The following COBL variants were observed in gnomAD, a reference collection of about 807,000 sequenced individuals.
COBL encodes the protein protein cordon-bleu.
Under a neutral mutation model 98.8 loss-of-function variants are expected in COBL, and 51 were observed. The ratio of observed to expected loss-of-function variants is 0.52; its 90% confidence interval spans 0.41 to 0.65. The LOEUF is 0.65. Among genes scored for constraint, COBL ranks in the 30% least tolerant of loss-of-function variants. COBL has a pLI of 0.00. For missense variants in COBL, 1,617 were observed against 1,617.5 expected, an observed-to-expected ratio of 1.00 and a Z score of 0.01; for synonymous variants, 634 against 651.7, an observed-to-expected ratio of 0.97 and a Z score of 0.41.
intron 1 of COBL, among the ~76,000 whole-genome samples, chr7:51,275,085 G>A (rs1280630330): frequency 6.6e-6 from 1 of 152,170 alleles, no homozygotes; most frequent in Non-Finnish European, 1.5e-5. Context: ...AGACAGGGCT[G>A]AAGAGGACGG....
chr7:51,230,829 G>A (rs1044725709), intron 1 of COBL, among the ~76,000 whole-genome samples: 3 of 152,178 alleles, frequency 2.0e-5, no homozygotes, highest in Non-Finnish European at 4.4e-5. Context: ...GTTTCTGCAC[G>A]TGGGGCAGAT....
intron 1 of COBL, among the ~76,000 whole-genome samples, chr7:51,259,042 C>G (rs564538295): frequency 1.3e-5 from 2 of 152,108 alleles, no homozygotes; most frequent in Admixed American, 1.3e-4. Context: ...AATCCCAGCA[C>G]TTTGGGAGGC....
At chr7:51,162,424 T>C (rs1045102314) in intron 5 of COBL, among the ~76,000 whole-genome samples, 1 of 152,228 alleles carries the variant, frequency 6.6e-6, no homozygotes. Flanking sequence ...AGATATATCT[T>C]GGAACAGAGT....
intron 12 of COBL, among the ~76,000 whole-genome samples, chr7:51,020,681 C>T (rs893247781): frequency 6.6e-6 from 1 of 152,298 alleles, no homozygotes; most frequent in East Asian, 1.9e-4. Flanking sequence ...GATCTGAACA[C>T]TGCCTTCAGG....
chr7:51,307,019 C>T (rs920914902), intron 1 of COBL, among the ~76,000 whole-genome samples: 8 of 152,232 alleles, frequency 5.3e-5, no homozygotes, highest in South Asian at 2.1e-4. Flanking sequence ...TGACGAGAGA[C>T]GTCAGAGTCA....
intron 5 of COBL, among the ~76,000 whole-genome samples, chr7:51,176,234 T>C (rs1788373674): frequency 1.3e-5 from 2 of 152,192 alleles, no homozygotes; most frequent in South Asian, 4.1e-4. Context: ...GTGAGTCACT[T>C]GGAAAGGTAC....
intron 7 of COBL, chr7:51,073,484 C>T (rs546174206): frequency 1.9e-6 from 1 of 536,900 alleles, no homozygotes; most frequent in East Asian, 3.0e-5. Context: ...AGATTTAACA[C>T]TGCATAGCAA....
At chr7:51,215,225 A>G (rs1221562203) in intron 2 of COBL, among the ~76,000 whole-genome samples, 1 of 152,194 alleles carries the variant, frequency 6.6e-6, no homozygotes, top group Non-Finnish European at 1.5e-5. Flanking sequence ...GAATGTGTCC[A>G]CCTTTTGTGA....
At chr7:51,315,736 C>T (rs375642534) in intron 1 of COBL, among the ~76,000 whole-genome samples, 1 of 152,342 alleles carries the variant, frequency 6.6e-6, no homozygotes, top group South Asian at 2.1e-4. Context: ...GCGCACCTGG[C>T]TCGGGGTCTG....
intron 5 of COBL, among the ~76,000 whole-genome samples, chr7:51,182,704 G>A (rs1007937311): frequency 3.3e-5 from 5 of 152,104 alleles, no homozygotes; most frequent in African/African-American, 4.8e-5. Flanking sequence ...GGAGGGGATA[G>A]AAAATGTCAG....
intron 5 of COBL, among the ~76,000 whole-genome samples, chr7:51,145,333 G>C (rs1445361274): frequency 6.7e-6 from 1 of 149,816 alleles, no homozygotes; most frequent in Non-Finnish European, 1.5e-5. Context: ...AATTCTTTTG[G>C]GTATATTCCT....
chr7:51,193,626 G>T, intron 2 of COBL, 37 bp from the exon 3 acceptor site: 2 of 1,574,710 alleles, frequency 1.3e-6, no homozygotes, highest in South Asian at 1.1e-5. Context: ...TATTAGGAAT[G>T]ACTGCACTCT....
chr7:51,177,819 A>AAAT (rs1563000106), intron 5 of COBL, among the ~76,000 whole-genome samples: 5 of 144,546 alleles, frequency 3.5e-5, no homozygotes, highest in Non-Finnish European at 6.1e-5. Flanking sequence ...AATAAATAAA[A>AAAT]ATTTAAAAGG....
chr7:51,121,488 T>C (rs1163987179), intron 6 of COBL, among the ~76,000 whole-genome samples: 2 of 152,242 alleles, frequency 1.3e-5, no homozygotes, highest in East Asian at 3.8e-4. Context: ...GACTGTGTCC[T>C]TTGGTGCACA....
At chr7:51,298,767 A>G (rs1263988597) in intron 1 of COBL, among the ~76,000 whole-genome samples, 1 of 152,228 alleles carries the variant, frequency 6.6e-6, no homozygotes, top group Non-Finnish European at 1.5e-5. Context: ...ATCCTACCTC[A>G]GGAGTTAATA....
intron 5 of COBL, among the ~76,000 whole-genome samples, chr7:51,174,185 G>C (rs1185877202): frequency 6.6e-6 from 1 of 152,132 alleles, no homozygotes; most frequent in Non-Finnish European, 1.5e-5. Context: ...AGACAGGCTT[G>C]GGTTTGAATT....
chr7:51,263,795 T>A (rs1797933128), intron 1 of COBL, among the ~76,000 whole-genome samples: 1 of 152,206 alleles, frequency 6.6e-6, no homozygotes, highest in Non-Finnish European at 1.5e-5. Flanking sequence ...AATTTTTATG[T>A]CACTGAACAC....
intron 5 of COBL, 137 bp from the exon 6 acceptor site, chr7:51,136,468 G>T: frequency 1.1e-6 from 1 of 898,384 alleles, no homozygotes; most frequent in Non-Finnish European, 1.6e-6. Context: ...AGCTTGAATG[G>T]TCTGAGCAAG....
intron 1 of COBL, among the ~76,000 whole-genome samples, chr7:51,283,219 A>T (rs1169907496): frequency 6.6e-6 from 1 of 152,196 alleles, no homozygotes; most frequent in Non-Finnish European, 1.5e-5. Context: ...TTTTATAATA[A>T]ATCTGAGAAA....
Sources: gnomAD v4.1 joint callset for allele counts (sites outside exome capture counted in the v4.1 genomes callset) on GRCh38, gnomAD v4.1.1 for gene constraint, MANE v1.5 for transcripts, NCBI Gene and HGNC (gene_info 2026-07-23, HGNC 2026-07-21) for gene names.